The following CLK1 variants were observed in gnomAD, a reference collection of about 807,000 sequenced individuals.
The protein encoded by CLK1 is CDC like kinase 1, also known as dual specificity protein kinase CLK1.
CLK1 carries 40 observed loss-of-function variants against 60.9 expected under a neutral mutation model. That is an observed-to-expected ratio of 0.66 (90% CI 0.51 to 0.86). The LOEUF (loss-of-function observed/expected upper bound fraction) is 0.86. Among genes scored for constraint, CLK1 ranks in the 40% least tolerant of loss-of-function variants. CLK1 has a pLI of 0.00. For synonymous variants in CLK1, 203 were observed against 184.4 expected, an observed-to-expected ratio of 1.10 and a Z score of -0.82; for missense variants, 563 against 606.1, an observed-to-expected ratio of 0.93 and a Z score of 0.75.
chr2:200,862,797 T>A (rs2039162502), intron 1 of CLK1, among the ~76,000 whole-genome samples: 1 of 152,212 alleles, frequency 6.6e-6, no homozygotes, highest in Non-Finnish European at 1.5e-5. Flanking sequence ...GAGTTATATC[T>A]GAGTTGCTGA....
At chr2:200,864,293 G>A (rs1380815365) in intron 1 of CLK1, 2 of 1,479,568 alleles carry the variant, frequency 1.4e-6, no homozygotes, top group African/African-American at 1.4e-5. Flanking sequence ...AGGCGGCGCC[G>A]CTTCCTCAGC....
intron 4 of CLK1, 140 bp downstream of exon 4, chr2:200,859,985 C>G: frequency 7.0e-7 from 1 of 1,427,624 alleles, no homozygotes; most frequent in South Asian, 1.6e-5. Context: ...AAAATACAAT[C>G]CCCCCCACCA....
chr2:200,853,285 G>C lies in CLK1; in HGVS notation c.*21C>G, dbSNP rs2105732310. On this transcript the variant is annotated 3_prime_UTR_variant, in exon 13 of 13. Coordinates refer to ENST00000321356, the MANE Select transcript of CLK1 (RefSeq NM_004071.4). ...GATACAGTCTGTAAGATCTCTTCGA[G>C]AGAGCTGTCCAATTACAGATCTATA... 6.3e-7 allele frequency: 1 copy of C among 1,575,984 alleles called. No individual in the cohort carries two copies. Among genetic ancestry groups the C allele is most frequent in the East Asian group, 2.3e-5 (1 of 44,292 alleles).
chr2:200,854,840 C>T, intron 10 of CLK1, 145 bp from the exon 11 acceptor site: 1 of 774,254 alleles, frequency 1.3e-6, no homozygotes, highest in Non-Finnish European at 2.2e-6. Context: ...TGCTTATATA[C>T]TGAAAGATGT....
chr2:200,854,625 T>G lies in CLK1; in HGVS notation c.1211A>C (p.Gln404Pro). The G allele has an allele frequency of 6.3e-7, 1 of 1,589,742 alleles. No individual in the cohort carries two copies. The highest frequency in any genetic ancestry group is 8.6e-7 in the Non-Finnish European group (1 of 1,157,828). The part of the protein sequence containing the change: ...ILGPLPKHMI[Q>P]KTRKRKYFHH... Reference sequence around the variant, plus strand: ...AACTCTTAAAACGTACCTGGTTTTCTGTATCATATGTTTTGGTAGAGGTCC... The same window carrying G: ...AACTCTTAAAACGTACCTGGTTTTCGGTATCATATGTTTTGGTAGAGGTCC... Residue 404 changes from glutamine to proline, a missense_variant, in exon 11 of 13, where the codon CAG becomes CCG. Transcript: ENST00000321356.
chr2:200,855,585 AC>A (rs1160986126), intron 9 of CLK1, among the ~76,000 whole-genome samples: 2 of 151,416 alleles, frequency 1.3e-5, no homozygotes, highest in East Asian at 3.9e-4. Context: ...AGATCGCGCC[AC>A]TGCACTCTAG....
chr2:200,862,296 G>A lies in CLK1; in HGVS notation c.1-434C>T, dbSNP rs566680906. On this transcript the variant is annotated intron_variant, in intron 1 of 12. Transcript: ENST00000321356. ...ATCCAGATGGCCTGAAGCAACTGAA[G>A]ATCCACAAAAAAAGTAAAAATAGCC... Among the ~76,000 whole-genome samples, 26 of 152,230 alleles carry A rather than the reference G, an allele frequency of 1.7e-4. No individual in the cohort carries two copies. In the East Asian group the frequency reaches 4.6e-3, roughly 27 times the overall value.
At chr2:200,861,516 C>G in intron 2 of CLK1, 50 bp from the exon 3 acceptor site, 1 of 1,596,296 alleles carries the variant, frequency 6.3e-7, no homozygotes, top group Non-Finnish European at 8.5e-7. Flanking sequence ...ACCAAATATC[C>G]TCACATTCTC....
intron 1 of CLK1, 140 bp downstream of exon 1, chr2:200,864,424 G>C: frequency 1.5e-6 from 1 of 660,350 alleles, no homozygotes; most frequent in Non-Finnish European, 2.4e-6. Flanking sequence ...CCACTGTGCA[G>C]CCTGGGAGTG....
chr2:200,854,279 TA>T (rs2039002090), intron 11 of CLK1: 1 of 345,404 alleles, frequency 2.9e-6, no homozygotes, highest in Non-Finnish European at 5.2e-6. Flanking sequence ...CTCACGCCTG[TA>T]ATCTCAGCAC....
chr2:200,855,128 G>A, intron 9 of CLK1, 42 bp from the exon 10 acceptor site: 2 of 1,412,584 alleles, frequency 1.4e-6, no homozygotes, highest in Non-Finnish European at 9.8e-7. Context: ...AATACTCAAT[G>A]TTTGTTAAAG....
At chr2:200,864,049 T>C in intron 1 of CLK1, 1 of 1,500,954 alleles carries the variant, frequency 6.7e-7, no homozygotes. Flanking sequence ...GACACTTTCA[T>C]CATTAGACAT....
intron 9 of CLK1, among the ~76,000 whole-genome samples, 174 bp downstream of exon 9, chr2:200,856,508 C>T (rs1475878978): frequency 1.3e-5 from 2 of 152,194 alleles, no homozygotes. Flanking sequence ...TGCTCAAATT[C>T]CCAGAGCTAA....
chr2:200,861,779 A>C lies in CLK1; in HGVS notation c.84T>G (p.His28Gln). The change falls in exon 2 of 13, where the codon CAT becomes CAG. Residue 28 changes from histidine to glutamine, a missense_variant. Physicochemically the swap from His to Gln is conservative, Grantham distance 24. Around this residue, in one of 3 missense-constraint regions of CLK1, gnomAD observed 198 missense variants for 179.2 expected, o/e 1.10. Transcript: ENST00000321356. ...TGCTATGTGATCTCTTCCTTCTTTT[A>C]TGACTGCTGCTGCTCCTCCATTTTC... ...DYGKWRSSSS[H>Q]KRRKRSHSSA... 2 of 1,614,004 alleles carry C rather than the reference A, an allele frequency of 1.2e-6. No homozygotes were observed. Among genetic ancestry groups the C allele is most frequent in the Non-Finnish European group, 1.7e-6 (2 of 1,179,962 alleles).
intron 3 of CLK1, chr2:200,860,690 G>A (rs1311954804): frequency 1.0e-6 from 1 of 996,566 alleles, no homozygotes; most frequent in African/African-American, 1.7e-5. Context: ...TAATTTTGGG[G>A]AAAAAAAGAT....
Position 200,857,991 on chromosome 2 carries a change from G to A in CLK1, c.647C>T (p.Thr216Ile). 1 of 1,613,576 alleles carries A rather than the reference G, an allele frequency of 6.2e-7. No homozygotes were observed. The highest frequency in any genetic ancestry group is 8.5e-7 in the Non-Finnish European group (1 of 1,179,538). Residue 216 changes from threonine to isoleucine, a missense_variant, in exon 6 of 13, where the codon ACA (threonine) becomes ATA (isoleucine). Thr to Ile is a moderately conservative substitution (Grantham distance 89). Coordinates refer to ENST00000321356, the MANE Select transcript of CLK1 (RefSeq NM_004071.4). The part of the protein sequence containing the change: ...EIQVLEHLNT[T>I]DPNSTFRCVQ... ...TACTTACAAAGTACTGTTGGGGTCT[G>A]TTGTATTCAGATGTTCCAGAACTTG...
In CLK1 at chr2:200,853,195, G is replaced by T; in HGVS notation, c.*111C>A. The T allele has an allele frequency of 1.3e-6, 1 of 762,036 alleles. No individual in the cohort carries two copies. The highest frequency in any genetic ancestry group is 2.0e-6 in the Non-Finnish European group (1 of 501,174). 47.2% of individuals were successfully genotyped at this position (762,036 alleles called of 1,614,324 possible). A position where few individuals can be genotyped will look rare whatever the true frequency, so the allele number is the denominator to read the frequency against. On this transcript the variant is annotated 3_prime_UTR_variant, in exon 13 of 13. Transcript: ENST00000321356. Reference sequence around the variant, plus strand: ...AAATTACCCAAACAAAATAAACATGGCAATATAAAAATGTTAAGAATTTAC... The same window carrying T: ...AAATTACCCAAACAAAATAAACATGTCAATATAAAAATGTTAAGAATTTAC...
chr2:200,860,105 T>C lies in CLK1; in HGVS notation c.481+20A>G, dbSNP rs746655125. 1.2e-6 allele frequency: 2 copies of C among 1,609,882 alleles called. No homozygotes were observed. Among genetic ancestry groups the C allele is most frequent in the African/African-American group, 1.3e-5 (1 of 74,796 alleles). On this transcript the variant is annotated intron_variant, in intron 4 of 12. Transcript: ENST00000321356. The stretch of plus-strand genomic sequence containing the variant: ...TTATGTTATCTGAAAAGTTAATAAG[T>C]GTTGAAAAATATTCTATACATCTTG...
At chr2:200,863,752 G>A (rs1404865127) in intron 1 of CLK1, among the ~76,000 whole-genome samples, 1 of 152,094 alleles carries the variant, frequency 6.6e-6, no homozygotes, top group Non-Finnish European at 1.5e-5. Flanking sequence ...TATCCCGGAG[G>A]CTGAAGCAGG....
Sources: allele counts gnomAD v4.1 joint callset (sites outside exome capture counted in the v4.1 genomes callset), GRCh38; gene constraint gnomAD v4.1.1; regional missense constraint gnomAD v4.1.1; transcripts MANE v1.5; gene names NCBI Gene and HGNC (gene_info 2026-07-23, HGNC 2026-07-21).